TBC1D5: variants seen among roughly 807,000 people sequenced by gnomAD.
TBC1D5 encodes TBC1 domain family, member 5.
A neutral mutation model predicts 100.3 loss-of-function variants in TBC1D5; 75 were observed. The observed-to-expected ratio is 0.75, with a 90% CI of 0.62 to 0.91. The LOEUF (loss-of-function observed/expected upper bound fraction) is 0.91, where lower values mean the gene tolerates loss of function less well. TBC1D5 is among the 40% of genes least tolerant of loss of function. The pLI, the probability that TBC1D5 is intolerant of heterozygous loss-of-function variation, is 0.00. For synonymous variants in TBC1D5, 323 were observed against 325.6 expected, an observed-to-expected ratio of 0.99 and a Z score of 0.09; for missense variants, 910 against 942.4, an observed-to-expected ratio of 0.97 and a Z score of 0.45.
At chr3:17,473,686 G>A (rs1003075458) in intron 3 of TBC1D5, among the ~76,000 whole-genome samples, 4 of 152,280 alleles carry the variant, frequency 2.6e-5, no homozygotes, top group Non-Finnish European at 5.9e-5. Flanking sequence ...AATTTGATGA[G>A]GATTTAACTA....
chr3:17,612,825 A>C (rs1388580006), intron 2 of TBC1D5, among the ~76,000 whole-genome samples: 1 of 152,020 alleles, frequency 6.6e-6, no homozygotes, highest in Non-Finnish European at 1.5e-5. Context: ...CGAAAAAAAA[A>C]CAGTTACACT....
intron 2 of TBC1D5, among the ~76,000 whole-genome samples, chr3:17,539,111 C>T (rs1393378743): frequency 6.6e-6 from 1 of 152,118 alleles, no homozygotes; most frequent in Non-Finnish European, 1.5e-5. Context: ...GTGTGAACCT[C>T]AGAGGCAGAG....
chr3:17,177,906 T>C (rs955544913), intron 19 of TBC1D5, among the ~76,000 whole-genome samples: 2 of 152,210 alleles, frequency 1.3e-5, no homozygotes, highest in South Asian at 4.1e-4. Flanking sequence ...TTCTACTCTT[T>C]ATCTCCATGA....
chr3:17,659,424 T>C (rs1252926578), intron 1 of TBC1D5, among the ~76,000 whole-genome samples: 2 of 152,042 alleles, frequency 1.3e-5, no homozygotes, highest in African/African-American at 2.4e-5. Context: ...TGTTAGATGT[T>C]ACAGATAAAG....
At chr3:17,352,304 T>C (rs2090700616) in intron 13 of TBC1D5, among the ~76,000 whole-genome samples, 1 of 152,044 alleles carries the variant, frequency 6.6e-6, no homozygotes, top group Non-Finnish European at 1.5e-5. Flanking sequence ...TTTCTGCAAA[T>C]AAAAAATACC....
At chr3:17,700,521 C>G (rs2072995333) in intron 1 of TBC1D5, among the ~76,000 whole-genome samples, 1 of 152,136 alleles carries the variant, frequency 6.6e-6, no homozygotes, top group African/African-American at 2.4e-5. Flanking sequence ...GCAAAAGAAA[C>G]TACCATCAGA....
At chr3:17,596,146 G>A (rs1010928612) in intron 2 of TBC1D5, among the ~76,000 whole-genome samples, 2 of 152,082 alleles carry the variant, frequency 1.3e-5, no homozygotes, top group African/African-American at 4.8e-5. Context: ...CATCAGAAAA[G>A]TCAGAGGCCA....
chr3:17,173,498 G>A (rs939292759), intron 19 of TBC1D5, among the ~76,000 whole-genome samples: 3 of 152,158 alleles, frequency 2.0e-5, no homozygotes, highest in African/African-American at 7.2e-5. Flanking sequence ...GGGTTTTGAT[G>A]ACCCTGAGAT....
intron 1 of TBC1D5, among the ~76,000 whole-genome samples, chr3:17,716,265 T>G (rs1240721711): frequency 6.6e-6 from 1 of 152,194 alleles, no homozygotes; most frequent in Non-Finnish European, 1.5e-5. Flanking sequence ...AGAACTCATC[T>G]TAGTCAGACC....
intron 1 of TBC1D5, among the ~76,000 whole-genome samples, chr3:17,723,051 C>CA (rs1347947430): frequency 2.0e-5 from 3 of 151,784 alleles, no homozygotes; most frequent in East Asian, 1.9e-4. Flanking sequence ...TCATTCAGTA[C>CA]AAAAAATAGT....
At chr3:17,581,330 A>T (rs988752101) in intron 2 of TBC1D5, among the ~76,000 whole-genome samples, 1 of 152,254 alleles carries the variant, frequency 6.6e-6, no homozygotes, top group African/African-American at 2.4e-5. Flanking sequence ...ATATACCTTT[A>T]AATACCATCT....
rs565872121 is a variant in TBC1D5, at chr3:17,200,674, G to C, written c.1752+13533C>G. Among the ~76,000 whole-genome samples the C allele has an allele frequency of 1.8e-4, 28 of 152,336 alleles. No individual in the cohort carries two copies. The South Asian group carries it at 5.8e-3, about 32-fold the overall frequency. On this transcript the variant is annotated intron_variant, in intron 18 of 21. Coordinates refer to ENST00000253692, the Ensembl canonical transcript of TBC1D5. ...GGAAATTGTCATCTTAAATAAAAAG[G>C]AAGTTTGGAAATTTGATTATATTAC...
At chr3:17,291,828 A>C in intron 15 of TBC1D5, 67 bp downstream of exon 15, 2 of 1,398,734 alleles carry the variant, frequency 1.4e-6, no homozygotes, top group Non-Finnish European at 2.0e-6. Context: ...GAATTCTTAG[A>C]CTCTACACAG....
At chr3:17,689,074 A>G (rs1477050495) in intron 1 of TBC1D5, among the ~76,000 whole-genome samples, 1 of 152,172 alleles carries the variant, frequency 6.6e-6, no homozygotes, top group Non-Finnish European at 1.5e-5. Flanking sequence ...AAAATTTTCC[A>G]TATTTTCTAG....
intron 2 of TBC1D5, among the ~76,000 whole-genome samples, chr3:17,577,241 G>A (rs751444605): frequency 2.0e-5 from 3 of 151,878 alleles, no homozygotes; most frequent in Non-Finnish European, 2.9e-5. Context: ...TGTAGTGTCT[G>A]CAAAAAGCGA....
chr3:17,676,195 G>A (rs2068608373), intron 1 of TBC1D5, among the ~76,000 whole-genome samples: 1 of 152,092 alleles, frequency 6.6e-6, no homozygotes, highest in Non-Finnish European at 1.5e-5. Context: ...ATTAAAATAA[G>A]AAATAATTTC....
chr3:17,203,701 ATC>A (rs1006735904), intron 18 of TBC1D5, among the ~76,000 whole-genome samples: 3 of 151,964 alleles, frequency 2.0e-5, no homozygotes, highest in Admixed American at 6.6e-5. Flanking sequence ...TCCCCCTTCA[ATC>A]TCTCTTTCTC....
chr3:17,317,848 T>A (rs1017638833), intron 13 of TBC1D5, among the ~76,000 whole-genome samples: 4 of 152,036 alleles, frequency 2.6e-5, no homozygotes, highest in African/African-American at 7.2e-5. Context: ...AACTAGAAAT[T>A]CCATTTGACC....
At chr3:17,340,097 T>C (rs1239447571) in intron 13 of TBC1D5, among the ~76,000 whole-genome samples, 1 of 152,126 alleles carries the variant, frequency 6.6e-6, no homozygotes, top group Non-Finnish European at 1.5e-5. Flanking sequence ...TACAAACCCT[T>C]AAGGCAGCTC....
Sources: allele counts gnomAD v4.1 joint callset (sites outside exome capture counted in the v4.1 genomes callset), GRCh38; gene constraint gnomAD v4.1.1; transcripts MANE v1.5; gene names NCBI Gene and HGNC (gene_info 2026-07-23, HGNC 2026-07-21).